The following ABCA9 variants were observed in gnomAD, a reference collection of about 807,000 sequenced individuals.
ABCA9 encodes ATP binding cassette subfamily A member 9, also known as ATP-binding cassette sub-family A member 9.
A neutral mutation model predicts 205.3 loss-of-function variants in ABCA9; 183 were observed. That is an observed-to-expected ratio of 0.89 (90% CI 0.79 to 1.01). The LOEUF is 1.01. ABCA9 is among the 50% of genes least tolerant of loss of function. The pLI, the probability that ABCA9 is intolerant of heterozygous loss-of-function variation, is 0.00. For missense variants in ABCA9, 1,805 were observed against 1,912.4 expected (o/e 0.94, Z 1.05); for synonymous variants, 651 against 683.3 (o/e 0.95, Z 0.74).
At chr17:68,997,600 T>TC (rs1428136483) in intron 25 of ABCA9, among the ~76,000 whole-genome samples, 1 of 150,672 alleles carries the variant, frequency 6.6e-6, no homozygotes, top group Admixed American at 6.6e-5. Context: ...TTTTCTTTTT[T>TC]TTTTTTTTTT....
chr17:69,063,687 C>G (rs374220085), upstream of ABCA9, among the ~76,000 whole-genome samples: 657 of 152,212 alleles, frequency 4.3e-3, 10 homozygotes, highest in African/African-American at 0.015. Flanking sequence ...ATTCTCGTGC[C>G]TCAGCCTCCC....
At chr17:69,078,817 G>A in the ABCA9 span, 1 of 495,578 alleles carries the variant, frequency 2.0e-6, no homozygotes, top group Non-Finnish European at 3.4e-6. Context: ...ATGTTTGAGA[G>A]GAAGAATAAT....
intron 37 of ABCA9, 48 bp from the exon 38 acceptor site, chr17:68,976,238 G>C: frequency 6.5e-7 from 1 of 1,548,190 alleles, no homozygotes; most frequent in South Asian, 1.1e-5. Context: ...TTTTTTCAGT[G>C]AGTTTTACCA....
At chr17:68,991,542 C>T (rs777041742) in intron 28 of ABCA9, among the ~76,000 whole-genome samples, 6 of 152,152 alleles carry the variant, frequency 3.9e-5, no homozygotes, top group South Asian at 2.1e-4. Context: ...CCTCATGCCA[C>T]GCTCTGACAT....
Position 68,989,765 on chromosome 17 carries a change from A to C in ABCA9, c.3955+48T>G, listed in dbSNP as rs2069383034. On this transcript the variant is annotated intron_variant, in intron 30 of 38. Coordinates refer to ENST00000340001, the MANE Select transcript of ABCA9 (RefSeq NM_080283.4). ...GATACTCTTATTCCCTGAATAATCC[A>C]GTCTTCAGATTCAAGATTGCTCTAC... 3.6e-6 allele frequency: 4 copies of C among 1,100,090 alleles called. No individual in the cohort carries two copies. The South Asian group carries it at 4.1e-5, about 11-fold the overall frequency. The allele number at this position is 1,100,090 out of a possible 1,614,324, so 68.1% of individuals were successfully genotyped here.
chr17:69,025,232 A>G (rs72851734), intron 16 of ABCA9, among the ~76,000 whole-genome samples: 6,093 of 152,258 alleles, frequency 0.04, 259 homozygotes, highest in African/African-American at 0.1. Context: ...CATTCACTCA[A>G]TATTTCTTAG....
intron 8 of ABCA9, 112 bp from the exon 9 acceptor site, chr17:69,033,985 G>T: frequency 1.2e-6 from 1 of 853,960 alleles, no homozygotes; most frequent in Non-Finnish European, 1.8e-6. Context: ...ATATAATCTT[G>T]TCTCTACAGA....
chr17:68,995,662 A>T (rs1264630310), intron 26 of ABCA9, among the ~76,000 whole-genome samples: 1 of 148,286 alleles, frequency 6.7e-6, no homozygotes, highest in East Asian at 1.9e-4. Flanking sequence ...TTATCATGAG[A>T]ACTAAACTTC....
chr17:69,064,731 T>C (rs113408695), upstream of ABCA9, among the ~76,000 whole-genome samples: 3,027 of 152,334 alleles, frequency 0.02, 59 homozygotes, highest in Non-Finnish European at 0.032. Flanking sequence ...TCCACGGCTG[T>C]GTCAAAACTA....
chr17:69,061,042 G>T (rs72559411), upstream of ABCA9: 3 of 985,258 alleles, frequency 3.0e-6, no homozygotes, highest in East Asian at 2.3e-4. Context: ...TCTCAGTTCA[G>T]CTAGCCTGCC....
At chr17:69,028,696 C>T (rs769696376) in intron 11 of ABCA9, 51 bp from the exon 12 acceptor site, 16 of 1,150,056 alleles carry the variant, frequency 1.4e-5, no homozygotes, top group Non-Finnish European at 1.7e-5. Flanking sequence ...ATTAACTTTA[C>T]AGTCTCTGAA....
rs1270398270 is a variant in ABCA9 at position 69,044,596 on chromosome 17, G to A, written c.474C>T (p.His158=). 1 of 1,612,058 alleles carries A rather than the reference G, an allele frequency of 6.2e-7. No homozygotes were observed. The highest frequency in any genetic ancestry group is 1.3e-5 in the African/African-American group (1 of 74,820). ...MMKEHRDHSA[H]CQAVNEKMKC... is the part of the protein sequence containing the mutation. ...TCATTTTTTCATTCACTGCTTGACA[G>A]TGAGCTTTAGAAGAAGAACACATCC... The change falls in exon 5 of 39, where the codon CAC becomes CAT. Residue 158 remains histidine (H), a synonymous_variant. Coordinates refer to ENST00000340001, the MANE Select transcript of ABCA9 (RefSeq NM_080283.4).
At chr17:69,029,634 G>A (rs1355877378) in intron 10 of ABCA9, among the ~76,000 whole-genome samples, 1 of 152,186 alleles carries the variant, frequency 6.6e-6, no homozygotes, top group Non-Finnish European at 1.5e-5. Flanking sequence ...ATCATTAAAT[G>A]ATTCACAACT....
intron 25 of ABCA9, among the ~76,000 whole-genome samples, chr17:69,001,797 C>T (rs2069880493): frequency 6.6e-6 from 1 of 151,658 alleles, no homozygotes; most frequent in South Asian, 2.1e-4. Context: ...ATTTCAGATC[C>T]TGTTATTGGT....
At position 69,027,410 on chromosome 17, in the gene ABCA9, G is replaced by A. The variant is rs778728278; in HGVS notation, c.1831C>T (p.Gln611Ter). The A allele has an allele frequency of 4.3e-6, 7 of 1,612,806 alleles. No individual in the cohort carries two copies. The highest frequency in any genetic ancestry group is 1.7e-5 in the Admixed American group (1 of 59,900). Reference protein sequence around the residue: ...VVQELEMENIQDILAQNLSGG... With the variant: ...VVQELEMENI The stretch of plus-strand genomic sequence containing the variant: ...CTTAAGTTTTGAGCAAGGATGTCTT[G>A]AATATTTTCCATTTCTAATTCCTGT... The change falls in exon 14 of 39, where the codon CAA becomes TAA. Residue 611 changes from glutamine (Q) to a stop codon, truncating the protein, a stop_gained. Coordinates refer to ENST00000340001, the MANE Select transcript of ABCA9 (RefSeq NM_080283.4). LOFTEE classifies it high-confidence loss of function.
intron 23 of ABCA9, among the ~76,000 whole-genome samples, chr17:69,009,087 T>A (rs2070273721): frequency 6.6e-6 from 1 of 152,174 alleles, no homozygotes; most frequent in South Asian, 2.1e-4. Flanking sequence ...TAATATATAT[T>A]TACAGAATGT....
In ABCA9 at chr17:68,999,121, T is replaced by TTTA. The variant is rs527773332; in HGVS notation, c.3436-3110_3436-3108dup. On this transcript the variant is annotated intron_variant, in intron 25 of 38. Transcript: ENST00000340001. ...TTCTTGGCTGATATTGGTTTATCTTTTTATTATTATTATTATTATTATACT... is the reference window on the plus strand; with the variant it reads ...TTCTTGGCTGATATTGGTTTATCTTTTTATTATTATTATTATTATTATTATACT... 4.5e-3 allele frequency among the ~76,000 whole-genome samples: 674 copies of TTTA among 148,314 alleles called. 3 individuals are homozygous for TTTA. Among genetic ancestry groups the TTTA allele is most frequent in the African/African-American group, 0.015 (585 of 38,698 alleles).
intron 1 of ABCA9, among the ~76,000 whole-genome samples, chr17:69,053,005 C>T (rs929402352): frequency 1.3e-5 from 2 of 152,184 alleles, no homozygotes; most frequent in Non-Finnish European, 2.9e-5. Context: ...CTTCCATTAA[C>T]TCTCTGGGTG....
chr17:69,050,804 T>A (rs1370168893), intron 2 of ABCA9, among the ~76,000 whole-genome samples: 1 of 152,060 alleles, frequency 6.6e-6, no homozygotes. Context: ...TATGAATTTT[T>A]AAAAAAATGC....
Sources: gnomAD v4.1 joint callset for allele counts (sites outside exome capture counted in the v4.1 genomes callset) on GRCh38, gnomAD v4.1.1 for gene constraint, MANE v1.5 for transcripts, NCBI Gene and HGNC (gene_info 2026-07-23, HGNC 2026-07-21) for gene names.